CEP164: variants seen among roughly 807,000 people sequenced by gnomAD.
CEP164 encodes the protein centrosomal protein 164, also known as centrosomal protein of 164 kDa.
CEP164 carries 162 observed loss-of-function variants against 182.7 expected under a neutral mutation model. That is an observed-to-expected ratio of 0.89 (90% confidence interval 0.78 to 1.01). The LOEUF (loss-of-function observed/expected upper bound fraction) is 1.01, where lower values mean the gene tolerates loss of function less well. Ranked by LOEUF, CEP164 falls within the 50% of genes least tolerant of loss-of-function variation. CEP164 has a pLI of 0.00. For synonymous variants in CEP164, 661 were observed against 690.0 expected (o/e 0.96, Z 0.66); for missense variants, 1,735 against 1,790.4 (o/e 0.97, Z 0.56).
At chr11:117,377,056 A>G (rs1005991069) in intron 11 of CEP164, among the ~76,000 whole-genome samples, 2 of 152,194 alleles carry the variant, frequency 1.3e-5, no homozygotes, top group African/African-American at 4.8e-5. Context: ...ACGCAGTAGC[A>G]GGACCTGACT....
chr11:117,390,704 G>A (rs2044534504), intron 15 of CEP164, 73 bp from the exon 16 acceptor site: 1 of 1,575,340 alleles, frequency 6.3e-7, no homozygotes, highest in South Asian at 1.1e-5. Flanking sequence ...TGGAGGCTGA[G>A]AGCCATAGCT....
intron 24 of CEP164, 119 bp from the exon 25 acceptor site, chr11:117,395,935 C>A: frequency 7.0e-7 from 1 of 1,426,998 alleles, no homozygotes; most frequent in Non-Finnish European, 9.6e-7. Context: ...CGTGCCTGAG[C>A]CCTTCCTCAG....
At position 117,411,149 on chromosome 11, in the gene CEP164, A is replaced by G; in HGVS notation, c.4163+255A>G. On this transcript the variant is annotated intron_variant, in intron 31 of 32. Coordinates refer to ENST00000278935, the MANE Select transcript of CEP164 (RefSeq NM_014956.5). This position sits in a 1 kb window ranked among gnomAD's most constrained non-coding sequence, Gnocchi z 4.4. ...GGCTTACCCTGCCAACCCCCTGAGG[A>G]AGCTGCCCTCTGGCCCCTGTGGGGA... The G allele has an allele frequency of 2.2e-6, 1 of 461,974 alleles. No homozygotes were observed. 28.6% of individuals were successfully genotyped at this position (461,974 alleles called of 1,614,324 possible).
intron 12 of CEP164, 70 bp from the exon 13 acceptor site, chr11:117,381,631 T>A (rs2043325009): frequency 1.3e-6 from 2 of 1,516,516 alleles, no homozygotes; most frequent in Middle Eastern, 2.3e-4. Flanking sequence ...CCACACACTG[T>A]ACTCCCCAGT....
intron 5 of CEP164, chr11:117,356,033 G>T: frequency 9.8e-7 from 1 of 1,022,356 alleles, no homozygotes; most frequent in Non-Finnish European, 1.2e-6. Context: ...CAGCAACCTG[G>T]CCTCACACCT....
chr11:117,361,946 C>G lies in CEP164; in HGVS notation c.505C>G (p.Leu169Val), dbSNP rs965491187. Reference protein sequence around the residue: ...SALRGSQSVSLGSSVESGRQL... With the variant: ...SALRGSQSVSVGSSVESGRQL... ...TCTTCGTGGATCTCAAAGCGTGAGC[C>G]TGGGGAGCTCAGTGGAGTCTGGACG... The change falls in exon 6 of 33, where the codon CTG becomes GTG. Residue 169 changes from leucine to valine, a missense_variant. By Grantham distance (32) the Leu-to-Val change is conservative. Coordinates refer to ENST00000278935, the MANE Select transcript of CEP164 (RefSeq NM_014956.5). The G allele has an allele frequency of 6.2e-7, 1 of 1,605,214 alleles. No homozygotes were observed. The highest frequency in any genetic ancestry group is 1.3e-5 in the African/African-American group (1 of 74,190).
intron 5 of CEP164, among the ~76,000 whole-genome samples, chr11:117,360,772 C>T (rs1168365437): frequency 6.6e-6 from 1 of 152,162 alleles, no homozygotes. Context: ...ACAGAGCTCT[C>T]CTCAAAGGCA....
At chr11:117,362,142 CTGTATGAA>C in intron 6 of CEP164, 149 bp downstream of exon 6, 1 of 825,092 alleles carries the variant, frequency 1.2e-6, no homozygotes, top group Non-Finnish European at 1.9e-6. Context: ...TAATTCGCAC[CTGTATGAA>C]TGTGGACTCT....
chr11:117,409,603 C>T lies in CEP164; in HGVS notation c.3749-15C>T, dbSNP rs370837032. 1.4e-5 allele frequency: 23 copies of T among 1,595,400 alleles called. No individual in the cohort carries two copies. The African/African-American group carries it at 2.7e-4, about 19-fold the overall frequency. The stretch of plus-strand genomic sequence containing the variant: ...AGCTTGAGTCCCTTCCCACCATCCA[C>T]CTCTTTTCTTTCAGTCGACTCAACC... On this transcript the variant is annotated splice_polypyrimidine_tract_variant and intron_variant, in intron 29 of 32. Coordinates refer to ENST00000278935, the MANE Select transcript of CEP164 (RefSeq NM_014956.5). The surrounding 1 kb of genome is among the most constrained non-coding windows in gnomAD (Gnocchi z 4.4).
In CEP164 at chr11:117,356,121, C is replaced by A. The variant is rs556275152; in HGVS notation, c.393+4133C>A. 4.8e-6 allele frequency: 5 copies of A among 1,043,436 alleles called. No individual in the cohort carries two copies. The African/African-American group carries it at 8.5e-5, about 18-fold the overall frequency. The allele number at this position is 1,043,436 out of a possible 1,614,324, so 64.6% of individuals were successfully genotyped here. ...TCACGGGGATCTGAGGAGGGTATGG[C>A]TCAGTCAGACTCGGGTCTCAGAGAT... On this transcript the variant is annotated intron_variant, in intron 5 of 32. Coordinates refer to ENST00000278935, the MANE Select transcript of CEP164 (RefSeq NM_014956.5).
At chr11:117,332,108 G>A (rs1304208094) in intron 1 of CEP164, among the ~76,000 whole-genome samples, 2 of 151,810 alleles carry the variant, frequency 1.3e-5, no homozygotes, top group Non-Finnish European at 2.9e-5. Context: ...ACCGGTGTGA[G>A]CCACAACACC....
chr11:117,335,548 C>G (rs2036952152), intron 1 of CEP164, 57 bp from the exon 2 acceptor site: 1 of 151,746 alleles, frequency 6.6e-6, no homozygotes, highest in Non-Finnish European at 1.5e-5. Context: ...GTCTCCAGAT[C>G]CAGCCATTTC....
intron 9 of CEP164, among the ~76,000 whole-genome samples, chr11:117,373,348 C>T (rs908386456): frequency 1.3e-5 from 2 of 149,848 alleles, no homozygotes; most frequent in Non-Finnish European, 3.0e-5. Flanking sequence ...GGGGACAGAG[C>T]GAGACTCCAT....
chr11:117,406,581 C>T (rs2046698967), intron 27 of CEP164, among the ~76,000 whole-genome samples: 1 of 152,240 alleles, frequency 6.6e-6, no homozygotes, highest in Non-Finnish European at 1.5e-5. Flanking sequence ...CAGTGCTTTG[C>T]CTTTCCATTC....
chr11:117,375,061 T>C (rs2042595048), intron 10 of CEP164, among the ~76,000 whole-genome samples: 1 of 152,236 alleles, frequency 6.6e-6, no homozygotes, highest in East Asian at 1.9e-4. Context: ...TAATTAACTC[T>C]CATTGTCCAG....
At chr11:117,385,893 G>A (rs181223871) in intron 14 of CEP164, 1 of 152,364 alleles carries the variant, frequency 6.6e-6, no homozygotes, top group Admixed American at 6.5e-5. Context: ...ATTCAGAGAT[G>A]ACAGTAGCCT....
chr11:117,395,728 G>A lies in CEP164; in HGVS notation c.3089+6G>A, dbSNP rs374896228. 28 of 1,604,750 alleles carry A rather than the reference G, an allele frequency of 1.7e-5. No homozygotes were observed. The highest frequency in any genetic ancestry group is 2.1e-4 in the Middle Eastern group (1 of 4,724). ...CAACTGCAGAAACACTTCAGGTGGC[G>A]TGGGCACCCTGCACTTAGCCCTGCT... On this transcript the variant is annotated splice_donor_region_variant and intron_variant, in intron 24 of 32. Transcript: ENST00000278935.
In CEP164 at chr11:117,394,824, G is replaced by A. The variant is rs958152507; in HGVS notation, c.2761-96G>A. ...GAGGAAGCCTGAGCCCAGAGTGGAG[G>A]TTGTGGTGTGGCATGGTGGGTTCTG... On this transcript the variant is annotated intron_variant, in intron 21 of 32. Coordinates refer to ENST00000278935, the MANE Select transcript of CEP164 (RefSeq NM_014956.5). This position sits in a 1 kb window ranked among gnomAD's most constrained non-coding sequence, Gnocchi z 4.0. 2.5e-6 allele frequency: 3 copies of A among 1,223,898 alleles called. No homozygotes were observed. Among genetic ancestry groups the A allele is most frequent in the Non-Finnish European group, 3.6e-6 (3 of 840,064 alleles). The allele number at this position is 1,223,898 out of a possible 1,614,324, so 75.8% of individuals were successfully genotyped here.
chr11:117,355,299 C>A (rs569445542), intron 5 of CEP164: 1 of 1,289,824 alleles, frequency 7.8e-7, no homozygotes, highest in Non-Finnish European at 1.0e-6. Context: ...TTTTCAGATC[C>A]TGAAACAGAA....
Sources: gnomAD v4.1 joint callset for allele counts (sites outside exome capture counted in the v4.1 genomes callset) on GRCh38, gnomAD v4.1.1 for gene constraint, Gnocchi (gnomAD v3.1) non-coding constraint, MANE v1.5 for transcripts, NCBI Gene and HGNC (gene_info 2026-07-23, HGNC 2026-07-21) for gene names.